The following PTPRD variants were observed in gnomAD, a reference collection of about 807,000 sequenced individuals.
PTPRD encodes protein tyrosine phosphatase receptor type D, also known as receptor-type tyrosine-protein phosphatase delta.
In PTPRD, 34 loss-of-function variants were observed where a neutral mutation model predicts 214.5. That is an observed-to-expected ratio of 0.16 (90% confidence interval 0.12 to 0.21). The LOEUF (loss-of-function observed/expected upper bound fraction) is 0.21, where lower values mean the gene tolerates loss of function less well. Among genes scored for constraint, PTPRD ranks in the 10% least tolerant of loss-of-function variants. The pLI, the probability that PTPRD is intolerant of heterozygous loss-of-function variation, is 1.00. For missense variants in PTPRD, 2,545 were observed against 2,398.7 expected (o/e 1.06, Z -1.27); for synonymous variants, 1,128 against 845.7 (o/e 1.33, Z -5.79).
intron 5 of PTPRD, among the ~76,000 whole-genome samples, chr9:9,905,252 G>A (rs563575317): frequency 4.6e-5 from 7 of 151,762 alleles, no homozygotes; most frequent in Non-Finnish European, 8.8e-5. Context: ...CAAACATATA[G>A]TCACCCTAAA....
intron 9 of PTPRD, among the ~76,000 whole-genome samples, chr9:9,319,235 T>C (rs772010034): frequency 5.9e-5 from 9 of 152,190 alleles, no homozygotes; most frequent in Non-Finnish European, 1.3e-4. Context: ...AGATTGCAAT[T>C]GTGCTTTTGC....
intron 5 of PTPRD, among the ~76,000 whole-genome samples, chr9:9,873,307 G>A (rs949313460): frequency 6.6e-6 from 1 of 152,022 alleles, no homozygotes; most frequent in Non-Finnish European, 1.5e-5. Context: ...AGCCTTGGGT[G>A]GCTAACCTGC....
At chr9:9,429,752 T>A (rs568798551) in intron 8 of PTPRD, among the ~76,000 whole-genome samples, 2 of 152,166 alleles carry the variant, frequency 1.3e-5, no homozygotes, top group South Asian at 4.1e-4. Flanking sequence ...TCAACATACA[T>A]AAATCAATAA....
chr9:9,774,716 A>T (rs972888608), intron 5 of PTPRD, among the ~76,000 whole-genome samples: 1 of 152,140 alleles, frequency 6.6e-6, no homozygotes, highest in African/African-American at 2.4e-5. Context: ...GCCTTGAGGG[A>T]GTTATTTTTT....
At chr9:10,414,342 C>T (rs922989082) in intron 2 of PTPRD, among the ~76,000 whole-genome samples, 2 of 151,916 alleles carry the variant, frequency 1.3e-5, no homozygotes, top group African/African-American at 2.4e-5. Flanking sequence ...GAAAAAAGCT[C>T]AATATTACTG....
chr9:8,636,783 A>C lies in PTPRD; in HGVS notation c.126T>G (p.Ser42=). 1 of 1,614,062 alleles carries C rather than the reference A, an allele frequency of 6.2e-7. No individual in the cohort carries two copies. Among genetic ancestry groups the C allele is most frequent in the Non-Finnish European group, 8.5e-7 (1 of 1,179,970 alleles). Residue 42 remains serine, a synonymous_variant, in exon 13 of 46, where the codon TCT becomes TCG. Coordinates refer to ENST00000381196, the MANE Select transcript of PTPRD (RefSeq NM_002839.4). ...GGTCTCCCGTAGCTTGGCAGATGAA[A>C]GAGGCAACTCCGCCAGAGACCCCTG... ...DQTGVSGGVA[S]FICQATGDPR...
chr9:10,351,784 T>G (rs1418106542), intron 2 of PTPRD, among the ~76,000 whole-genome samples: 1 of 151,890 alleles, frequency 6.6e-6, no homozygotes, highest in East Asian at 1.9e-4. Flanking sequence ...GGAATGAAAA[T>G]TTGAAAACGC....
intron 10 of PTPRD, among the ~76,000 whole-genome samples, chr9:9,162,597 C>T (rs572265386): frequency 5.3e-5 from 8 of 152,208 alleles, no homozygotes; most frequent in African/African-American, 1.9e-4. Flanking sequence ...TCTCCACCCT[C>T]CACCTGCTTG....
At chr9:9,710,044 C>A (rs2097696529) in intron 7 of PTPRD, among the ~76,000 whole-genome samples, 2 of 151,270 alleles carry the variant, frequency 1.3e-5, no homozygotes, top group South Asian at 4.2e-4. Flanking sequence ...GATTTTGTTT[C>A]TTTAAAAAAA....
intron 12 of PTPRD, among the ~76,000 whole-genome samples, chr9:8,651,561 CT>C (rs1357831673): frequency 6.6e-6 from 1 of 152,134 alleles, no homozygotes; most frequent in Non-Finnish European, 1.5e-5. Context: ...AGTTCTTTTG[CT>C]TTTTTTCCTT....
At chr9:8,651,615 G>T (rs540209348) in intron 12 of PTPRD, among the ~76,000 whole-genome samples, 1 of 152,162 alleles carries the variant, frequency 6.6e-6, no homozygotes, top group African/African-American at 2.4e-5. Flanking sequence ...ACATTTCCAT[G>T]ACAGCATTTT....
intron 7 of PTPRD, among the ~76,000 whole-genome samples, chr9:9,649,394 G>T (rs577383918): frequency 6.6e-6 from 1 of 152,098 alleles, no homozygotes; most frequent in Non-Finnish European, 1.5e-5. Context: ...TTGAATGGCA[G>T]CAGTGATTAT....
At chr9:10,226,925 T>C (rs2099590811) in intron 3 of PTPRD, among the ~76,000 whole-genome samples, 1 of 152,000 alleles carries the variant, frequency 6.6e-6, no homozygotes, top group Admixed American at 6.6e-5. Flanking sequence ...GGGGGGTAAA[T>C]ATAGAATTAG....
At chr9:9,974,203 T>G (rs949324583) in intron 4 of PTPRD, among the ~76,000 whole-genome samples, 27 of 152,226 alleles carry the variant, frequency 1.8e-4, no homozygotes, top group Non-Finnish European at 3.5e-4. Context: ...GACACATATG[T>G]AACGATTACA....
chr9:10,442,535 G>C (rs1327920469), intron 2 of PTPRD, among the ~76,000 whole-genome samples: 4 of 151,600 alleles, frequency 2.6e-5, no homozygotes, highest in African/African-American at 9.7e-5. Context: ...TCAGCAAAGG[G>C]ATCTCTGATT....
At position 9,468,401 on chromosome 9, in the gene PTPRD, A is replaced by C. The variant is rs374197576; in HGVS notation, c.-236-70919T>G. On this transcript the variant is annotated intron_variant, in intron 8 of 45. Coordinates refer to ENST00000381196, the MANE Select transcript of PTPRD (RefSeq NM_002839.4). ...TAGTTATCTTTGTATAGATATGTGCATTTAGTTATATCTGTAAACACATAC... is the reference window on the plus strand; with the variant it reads ...TAGTTATCTTTGTATAGATATGTGCCTTTAGTTATATCTGTAAACACATAC... Among the ~76,000 whole-genome samples the C allele has an allele frequency of 2.0e-5, 3 of 152,182 alleles. No homozygotes were observed. The East Asian group carries it at 5.8e-4, about 29-fold the overall frequency.
intron 9 of PTPRD, among the ~76,000 whole-genome samples, chr9:9,308,642 C>T (rs1957893800): frequency 6.6e-6 from 1 of 151,900 alleles, no homozygotes; most frequent in Admixed American, 6.6e-5. Context: ...GGAAAGAATC[C>T]CAAAATGGAT....
chr9:10,260,673 A>T, intron 3 of PTPRD, among the ~76,000 whole-genome samples: 1 of 152,150 alleles, frequency 6.6e-6, no homozygotes, highest in African/African-American at 2.4e-5. Context: ...ACTTATCCTG[A>T]TGACATGAGA....
At chr9:9,852,874 C>T (rs1353743926) in intron 5 of PTPRD, among the ~76,000 whole-genome samples, 1 of 152,096 alleles carries the variant, frequency 6.6e-6, no homozygotes, top group Non-Finnish European at 1.5e-5. Flanking sequence ...CATAAATCTA[C>T]ACAATAGCAG....
Sources: allele counts gnomAD v4.1 joint callset (sites outside exome capture counted in the v4.1 genomes callset), GRCh38; gene constraint gnomAD v4.1.1; transcripts MANE v1.5; gene names NCBI Gene and HGNC (gene_info 2026-07-23, HGNC 2026-07-21).